Variants in STK32C observed in about 807,000 individuals in gnomAD.
STK32C encodes the protein serine/threonine-protein kinase 32C.
A neutral mutation model predicts 56.5 loss-of-function variants in STK32C; 31 were observed. The ratio of observed to expected loss-of-function variants is 0.55; its 90% confidence interval spans 0.41 to 0.74. STK32C has a LOEUF of 0.74. Ranked by LOEUF, STK32C falls within the 30% of genes least tolerant of loss-of-function variation. The pLI, the probability that STK32C is intolerant of heterozygous loss-of-function variation, is 0.00. For missense variants in STK32C, 544 were observed against 676.9 expected (o/e 0.80, Z 2.18); for synonymous variants, 309 against 289.4 (o/e 1.07, Z -0.69).
intron 7 of STK32C, among the ~76,000 whole-genome samples, 199 bp downstream of exon 7, chr10:132,225,034 C>T (rs1398284703): frequency 6.6e-6 from 1 of 152,248 alleles, no homozygotes; most frequent in Admixed American, 6.5e-5. Context: ...CCCGGGAAAC[C>T]ACAGTGAGTC....
At chr10:132,288,960 T>C (rs1374485153) in intron 1 of STK32C, among the ~76,000 whole-genome samples, 3 of 152,222 alleles carry the variant, frequency 2.0e-5, no homozygotes, top group African/African-American at 7.2e-5. Flanking sequence ...AAGTTTATAT[T>C]CAAAATTCAT....
chr10:132,258,800 G>A (rs1047269111), intron 1 of STK32C, among the ~76,000 whole-genome samples: 3 of 152,222 alleles, frequency 2.0e-5, no homozygotes, highest in African/African-American at 7.2e-5. Flanking sequence ...AGGGCCGGAT[G>A]AGGATCCCCA....
chr10:132,242,312 G>C (rs1221312533), intron 2 of STK32C, among the ~76,000 whole-genome samples: 1 of 152,114 alleles, frequency 6.6e-6, no homozygotes, highest in Non-Finnish European at 1.5e-5. Flanking sequence ...GACGAGTGGG[G>C]GGAGTGCAGC....
Position 132,283,873 on chromosome 10 carries a change from C to A in STK32C, c.262+23699G>T, listed in dbSNP as rs375812922. On this transcript the variant is annotated intron_variant, in intron 1 of 11. Transcript: ENST00000298630. ...GAGCCACCCCAGACTGCCCAGGAGGCCTCCCTGAGTCCAGCCCCGCCCCAT... is the reference window on the plus strand; with the variant it reads ...GAGCCACCCCAGACTGCCCAGGAGGACTCCCTGAGTCCAGCCCCGCCCCAT... 2.6e-5 allele frequency among the ~76,000 whole-genome samples: 4 copies of A among 152,170 alleles called. No individual in the cohort carries two copies. The South Asian group carries it at 6.2e-4, about 24-fold the overall frequency.
intron 1 of STK32C, among the ~76,000 whole-genome samples, chr10:132,261,996 A>G (rs1013189443): frequency 6.6e-6 from 1 of 152,226 alleles, no homozygotes; most frequent in African/African-American, 2.4e-5. Flanking sequence ...AGCGATCCTA[A>G]GAAAAAAGAA....
intron 1 of STK32C, among the ~76,000 whole-genome samples, chr10:132,296,633 A>AT (rs1246459297): frequency 6.6e-6 from 1 of 152,146 alleles, no homozygotes; most frequent in Non-Finnish European, 1.5e-5. Flanking sequence ...GGATTTCTTA[A>AT]TTTTTTTCTC....
At chr10:132,283,861 CT>C (rs1212418262) in intron 1 of STK32C, among the ~76,000 whole-genome samples, 6 of 152,302 alleles carry the variant, frequency 3.9e-5, no homozygotes, top group Admixed American at 1.3e-4. Context: ...CCACCCCAGA[CT>C]GCCCAGGAGG....
intron 1 of STK32C, among the ~76,000 whole-genome samples, chr10:132,252,260 A>G (rs984681196): frequency 6.6e-6 from 1 of 152,228 alleles, no homozygotes; most frequent in Admixed American, 6.5e-5. Flanking sequence ...TGTGGGGGAA[A>G]CACTCAACAA....
Position 132,307,949 on chromosome 10 carries a change from C to G in STK32C, c.-116G>C. On this transcript the variant is annotated 5_prime_UTR_variant, in exon 1 of 12. Coordinates refer to ENST00000298630, the MANE Select transcript of STK32C (RefSeq NM_173575.4). This position sits in a 1 kb window ranked among gnomAD's most constrained non-coding sequence, Gnocchi z 4.4. The stretch of plus-strand genomic sequence containing the variant: ...CCGGCAGCGCCCGCCGTGCGCTCTT[C>G]TGGGCGGTGGAACCCGCCCCGTAGA... 9.7e-7 allele frequency: 1 copy of G among 1,036,260 alleles called. No homozygotes were observed. Among genetic ancestry groups the G allele is most frequent in the African/African-American group, 1.8e-5 (1 of 54,542 alleles). 64.2% of individuals were successfully genotyped at this position (1,036,260 alleles called of 1,614,324 possible).
intron 1 of STK32C, among the ~76,000 whole-genome samples, chr10:132,265,832 C>A (rs541391807): frequency 6.6e-6 from 1 of 152,200 alleles, no homozygotes. Flanking sequence ...TCCCCCCGGA[C>A]AGCCAGGGAG....
intron 1 of STK32C, among the ~76,000 whole-genome samples, chr10:132,316,850 T>C (rs965274604): frequency 1.3e-5 from 2 of 151,886 alleles, no homozygotes; most frequent in Non-Finnish European, 2.9e-5. Flanking sequence ...GGTCAAGAGA[T>C]TGAGACCATC....
rs763570586 is a variant in STK32C at position 132,331,675 on chromosome 10, G to C, written c.62C>G (p.Pro21Arg). ...CCTCAGCAGCAATTCTTTTCTGCTCGGCTGTCCTCGAGCAGCCCCGCCCGC... is the reference window on the plus strand; with the variant it reads ...CCTCAGCAGCAATTCTTTTCTGCTCCGCTGTCCTCGAGCAGCCCCGCCCGC... The change falls in exon 1 of 2, where the codon CCG becomes CGG. Residue 21 changes from proline (P) to arginine (R), a missense_variant. Coordinates refer to the STK32C transcript ENST00000368619. 5.0e-6 allele frequency: 8 copies of C among 1,612,662 alleles called. No individual in the cohort carries two copies. The Admixed American group carries it at 5.0e-5, about 10-fold the overall frequency.
intron 10 of STK32C, among the ~76,000 whole-genome samples, chr10:132,217,392 C>CT (rs1327101133): frequency 6.6e-6 from 1 of 152,190 alleles, no homozygotes; most frequent in Non-Finnish European, 1.5e-5. Flanking sequence ...AAGTCACTTG[C>CT]TTTTGATTTT....
chr10:132,207,814 C>T lies in STK32C; in HGVS notation c.*196G>A. ...GGGGGCCCACGGGAAATGCCCTCCA[C>T]AGGTGTCCCCTGCACCCACAGCCTC... is the stretch of plus-strand genomic sequence containing the variant. On this transcript the variant is annotated 3_prime_UTR_variant, in exon 12 of 12. Transcript: ENST00000298630. 2 of 634,328 alleles carry T rather than the reference C, an allele frequency of 3.2e-6. No individual in the cohort carries two copies. Among genetic ancestry groups the T allele is most frequent in the East Asian group, 3.5e-5 (1 of 28,984 alleles). The allele number at this position is 634,328 out of a possible 1,614,324, so 39.3% of individuals were successfully genotyped here.
intron 1 of STK32C, among the ~76,000 whole-genome samples, chr10:132,286,464 A>G (rs1185628137): frequency 6.6e-6 from 1 of 152,260 alleles, no homozygotes; most frequent in Non-Finnish European, 1.5e-5. Flanking sequence ...AAAACCAGAC[A>G]AGGACACTGC....
intron 10 of STK32C, among the ~76,000 whole-genome samples, chr10:132,221,943 T>G (rs949138192): frequency 7.1e-6 from 1 of 141,570 alleles, no homozygotes; most frequent in Non-Finnish European, 1.5e-5. Flanking sequence ...CACACACAAC[T>G]GACACCGACA....
At chr10:132,248,893 T>C (rs1222566089) in intron 1 of STK32C, 2 of 450,032 alleles carry the variant, frequency 4.4e-6, no homozygotes, top group Admixed American at 2.4e-5. Context: ...CACCATCACC[T>C]CCACTTTAGA....
chr10:132,292,171 C>T (rs1462588210), intron 1 of STK32C, among the ~76,000 whole-genome samples: 1 of 152,172 alleles, frequency 6.6e-6, no homozygotes, highest in Non-Finnish European at 1.5e-5. Context: ...CAGACTGCCA[C>T]CCTGGACATC....
intron 4 of STK32C, among the ~76,000 whole-genome samples, chr10:132,226,088 CCCCT>C (rs1399992612): frequency 6.6e-6 from 1 of 152,212 alleles, no homozygotes; most frequent in Non-Finnish European, 1.5e-5. Flanking sequence ...GTCTGCCCTC[CCCCT>C]CCAAGACTCG....
Sources: allele counts gnomAD v4.1 joint callset (sites outside exome capture counted in the v4.1 genomes callset), GRCh38; gene constraint gnomAD v4.1.1; non-coding constraint Gnocchi (gnomAD v3.1); transcripts MANE v1.5; gene names NCBI Gene and HGNC (gene_info 2026-07-23, HGNC 2026-07-21).